Variants in FARP1 observed in about 807,000 individuals in gnomAD.
FARP1 encodes FERM, ARH/RhoGEF and pleckstrin domain protein 1.
FARP1 carries 52 observed loss-of-function variants against 128.8 expected under a neutral mutation model. That is an observed-to-expected ratio of 0.40 (90% CI 0.32 to 0.51). The LOEUF (loss-of-function observed/expected upper bound fraction) is 0.51. FARP1 is among the 20% of genes least tolerant of loss of function. The pLI is 0.45. For missense variants in FARP1, 1,333 were observed against 1,367.9 expected (o/e 0.97, Z 0.40); for synonymous variants, 580 against 551.8 (o/e 1.05, Z -0.72).
intron 2 of FARP1, among the ~76,000 whole-genome samples, chr13:98,327,146 TA>T (rs373059146): frequency 1.3e-5 from 2 of 152,218 alleles, no homozygotes; most frequent in Admixed American, 6.5e-5. Context: ...ATAGAAGTAT[TA>T]AAAAATATTT....
At chr13:98,142,938 C>CCGGGCGGAGCGGAGCGGGGCGGGG (rs1875143750), upstream of FARP1, among the ~76,000 whole-genome samples, 2 of 150,674 alleles carry the variant, frequency 1.3e-5, no homozygotes, top group Non-Finnish European at 3.0e-5. Context: ...GCGCACCTGC[C>CCGGGCGGAGCGGAGCGGGGCGGGG]CGGGCGGAGC....
Position 98,337,152 on chromosome 13 carries a change from A to C in FARP1, c.172-6610A>C, listed in dbSNP as rs186392597. Among the ~76,000 whole-genome samples, 268 of 152,264 alleles carry C rather than the reference A, an allele frequency of 1.8e-3. 6 individuals are homozygous for C. Among genetic ancestry groups the C allele is most frequent in the Admixed American group, 0.012 (176 of 15,304 alleles). On this transcript the variant is annotated intron_variant, in intron 2 of 26. Transcript: ENST00000319562. ...GAGGCCGAGGCAGGATGATCACCTG[A>C]GCTCAGGAGTTTGAGACCAGCCTGG...
At chr13:98,361,426 T>C (rs975149818) in intron 3 of FARP1, among the ~76,000 whole-genome samples, 1 of 152,228 alleles carries the variant, frequency 6.6e-6, no homozygotes, top group Admixed American at 6.5e-5. Flanking sequence ...AGAGGAGAGA[T>C]GTTTAAAAAC....
chr13:98,343,369 G>A (rs1888049558), intron 2 of FARP1, among the ~76,000 whole-genome samples: 3 of 152,230 alleles, frequency 2.0e-5, no homozygotes, highest in Admixed American at 6.5e-5. Flanking sequence ...TGATGATGCT[G>A]TGTCAATATT....
intron 17 of FARP1, 29 bp downstream of exon 17, chr13:98,424,679 A>G (rs1594520475): frequency 1.3e-6 from 2 of 1,484,494 alleles, no homozygotes. Flanking sequence ...GGGTGGAGCA[A>G]GGTTCACCAA....
chr13:98,159,124 G>T (rs150844297), intron 1 of FARP1, among the ~76,000 whole-genome samples: 1 of 152,190 alleles, frequency 6.6e-6, no homozygotes, highest in African/African-American at 2.4e-5. Context: ...TGTAGGAGAC[G>T]CCTTCTGGCC....
chr13:98,313,973 G>A (rs1167601672), intron 2 of FARP1, among the ~76,000 whole-genome samples: 1 of 152,132 alleles, frequency 6.6e-6, no homozygotes, highest in African/African-American at 2.4e-5. Flanking sequence ...CCATCCTCAC[G>A]GCTCACTCAC....
rs897662720 is a variant in FARP1, at chr13:98,449,721, A to AAAT, written c.*1406_*1408dup. ...TTTCCAGTACTAACAAAGGGAATAA[A>AAAT]AATACCTCACGCCACAATCCAGCAT... On this transcript the variant is annotated 3_prime_UTR_variant, in exon 27 of 27. Coordinates refer to ENST00000319562, the MANE Select transcript of FARP1 (RefSeq NM_005766.4). 6.6e-5 allele frequency: 10 copies of AAAT among 152,528 alleles called. No homozygotes were observed. The highest frequency in any genetic ancestry group is 5.9e-4 in the Admixed American group (9 of 15,264). The allele number at this position is 152,528 out of a possible 1,614,324, so 9.4% of individuals were successfully genotyped here.
At chr13:98,189,263 T>C (rs1430826936) in intron 1 of FARP1, among the ~76,000 whole-genome samples, 1 of 60,054 alleles carries the variant, frequency 1.7e-5, no homozygotes, top group African/African-American at 4.0e-5. Flanking sequence ...AAATGAGTAC[T>C]TTTTTTTTTT....
intron 2 of FARP1, among the ~76,000 whole-genome samples, chr13:98,250,720 C>CAA (rs145373844): frequency 1.4e-5 from 2 of 139,080 alleles, no homozygotes; most frequent in Non-Finnish European, 3.1e-5. Flanking sequence ...GACTCTGTCT[C>CAA]AAAAAAAAAA....
intron 16 of FARP1, among the ~76,000 whole-genome samples, chr13:98,421,300 A>C (rs1891584040): frequency 6.6e-6 from 1 of 152,172 alleles, no homozygotes; most frequent in Admixed American, 6.5e-5. Context: ...GAAATAGATG[A>C]CATTTGGCTT....
chr13:98,435,546 C>T, intron 18 of FARP1, 30 bp from the exon 19 acceptor site: 1 of 1,582,172 alleles, frequency 6.3e-7, no homozygotes, highest in Non-Finnish European at 8.6e-7. Context: ...GCCTTTCCCG[C>T]TGCAGACTGT....
At chr13:98,255,678 A>G (rs1486597931) in intron 2 of FARP1, among the ~76,000 whole-genome samples, 1 of 152,216 alleles carries the variant, frequency 6.6e-6, no homozygotes, top group African/African-American at 2.4e-5. Context: ...TGTCTTTTTT[A>G]TAGTTCCCCT....
chr13:98,363,473 G>A (rs371316036), intron 3 of FARP1, among the ~76,000 whole-genome samples: 50 of 152,262 alleles, frequency 3.3e-4, no homozygotes, highest in African/African-American at 1.1e-3. Context: ...AGCTAGCAGG[G>A]CCCAGCTGGG....
chr13:98,307,811 A>G (rs1287740223), intron 2 of FARP1, among the ~76,000 whole-genome samples: 2 of 152,128 alleles, frequency 1.3e-5, no homozygotes, highest in Non-Finnish European at 2.9e-5. Context: ...ACTCTCTGCC[A>G]GAGTTTCTAA....
intron 2 of FARP1, among the ~76,000 whole-genome samples, chr13:98,276,199 GATGAA>G (rs1884646839): frequency 6.6e-6 from 1 of 152,182 alleles, no homozygotes; most frequent in Non-Finnish European, 1.5e-5. Flanking sequence ...TGATGTAATT[GATGAA>G]ATGAGGAAGC....
intron 5 of FARP1, among the ~76,000 whole-genome samples, chr13:98,373,535 C>CAGACAGACAGACAG (rs373038953): frequency 1.8e-5 from 1 of 56,770 alleles, no homozygotes; most frequent in African/African-American, 5.2e-5. Context: ...GACAGACAGA[C>CAGACAGACAGACAG]ACACACACAC....
At chr13:98,335,010 CCTA>C (rs1411130486) in intron 2 of FARP1, among the ~76,000 whole-genome samples, 5 of 152,246 alleles carry the variant, frequency 3.3e-5, no homozygotes, top group African/African-American at 1.2e-4. Context: ...CTAGCAAACT[CCTA>C]CTCATCCTTC....
At chr13:98,222,438 G>A (rs758256164) in intron 2 of FARP1, among the ~76,000 whole-genome samples, 5 of 152,114 alleles carry the variant, frequency 3.3e-5, no homozygotes, top group Non-Finnish European at 2.9e-5. Flanking sequence ...AGTCTCACAG[G>A]GCATAAGTGA....
Sources: allele counts gnomAD v4.1 joint callset (sites outside exome capture counted in the v4.1 genomes callset), GRCh38; gene constraint gnomAD v4.1.1; transcripts MANE v1.5; gene names NCBI Gene and HGNC (gene_info 2026-07-23, HGNC 2026-07-21).